ZNF536: variants seen among roughly 807,000 people sequenced by gnomAD.
ZNF536 encodes the protein zinc finger protein 536.
Under a neutral mutation model 84.5 loss-of-function variants are expected in ZNF536, and 13 were observed. That is an observed-to-expected ratio of 0.15 (90% CI 0.10 to 0.24). The LOEUF is 0.24. ZNF536 is among the 10% of genes least tolerant of loss of function. The pLI, the probability that ZNF536 is intolerant of heterozygous loss-of-function variation, is 1.00. For missense variants in ZNF536, 1,536 were observed against 1,747.5 expected, an observed-to-expected ratio of 0.88 and a Z score of 2.16; for synonymous variants, 811 against 742.5, an observed-to-expected ratio of 1.09 and a Z score of -1.50.
intron 3 of ZNF536, among the ~76,000 whole-genome samples, chr19:30,537,554 T>C (rs1295600780): frequency 6.6e-6 from 1 of 151,776 alleles, no homozygotes; most frequent in African/African-American, 2.4e-5. Context: ...GGGGCTCCAC[T>C]AACCCTGTCG....
At chr19:30,463,011 G>A (rs548883959) in intron 2 of ZNF536, among the ~76,000 whole-genome samples, 15 of 142,224 alleles carry the variant, frequency 1.1e-4, no homozygotes, top group Non-Finnish European at 2.1e-4. Context: ...TGTGGATAAG[G>A]ATGTGTGTGT....
intron 1 of ZNF536, among the ~76,000 whole-genome samples, chr19:30,242,010 A>C (rs552656373): frequency 8.6e-5 from 13 of 152,028 alleles, no homozygotes; most frequent in African/African-American, 3.1e-4. Context: ...CTTTCTTTGC[A>C]TGGGGAAGGG....
At chr19:30,281,229 C>G (rs1023274121) in intron 1 of ZNF536, among the ~76,000 whole-genome samples, 1 of 152,158 alleles carries the variant, frequency 6.6e-6, no homozygotes, top group African/African-American at 2.4e-5. Flanking sequence ...TTTCTCCCTC[C>G]TCGCTCCCCA....
chr19:30,303,899 G>C (rs1224530516), intron 2 of ZNF536, among the ~76,000 whole-genome samples: 1 of 152,164 alleles, frequency 6.6e-6, no homozygotes, highest in African/African-American at 2.4e-5. Flanking sequence ...ACTCTGCCTG[G>C]GTGTGTCCTT....
chr19:30,409,613 A>G (rs1270319604), intron 1 of ZNF536, among the ~76,000 whole-genome samples: 1 of 152,248 alleles, frequency 6.6e-6, no homozygotes, highest in African/African-American at 2.4e-5. Context: ...GGTTAAAGAG[A>G]ATGCACATTT....
intron 2 of ZNF536, among the ~76,000 whole-genome samples, chr19:30,508,551 G>A (rs2055267353): frequency 6.6e-6 from 1 of 152,142 alleles, no homozygotes; most frequent in Non-Finnish European, 1.5e-5. Context: ...GTGAGTCTTT[G>A]CGGCCCACAG....
chr19:30,318,904 C>T (rs1244110754), intron 2 of ZNF536, among the ~76,000 whole-genome samples: 1 of 152,122 alleles, frequency 6.6e-6, no homozygotes, highest in Non-Finnish European at 1.5e-5. Context: ...CAGTTTGCTC[C>T]CTTCTTTTAT....
chr19:30,705,068 G>T (rs2052169123), intron 1 of ZNF536, among the ~76,000 whole-genome samples: 1 of 152,144 alleles, frequency 6.6e-6, no homozygotes, highest in Non-Finnish European at 1.5e-5. Context: ...CTTGGACTCA[G>T]AAATGTGTCA....
intron 1 of ZNF536, among the ~76,000 whole-genome samples, chr19:30,409,046 C>G (rs1415741575): frequency 6.6e-6 from 1 of 151,216 alleles, no homozygotes; most frequent in Non-Finnish European, 1.5e-5. Context: ...ACTCATTCAT[C>G]CATCCATCCA....
chr19:30,627,356 A>G (rs2048718664), intron 1 of ZNF536, among the ~76,000 whole-genome samples: 1 of 151,598 alleles, frequency 6.6e-6, no homozygotes, highest in Non-Finnish European at 1.5e-5. Context: ...CTGTAGTCCC[A>G]GCTAATCGGG....
intron 2 of ZNF536, among the ~76,000 whole-genome samples, chr19:30,292,716 G>T (rs1483672158): frequency 6.6e-6 from 1 of 152,132 alleles, no homozygotes; most frequent in African/African-American, 2.4e-5. Context: ...TGTTGTCTTT[G>T]GGAGAGGAAG....
At chr19:30,660,820 G>A (rs79402050) in intron 1 of ZNF536, among the ~76,000 whole-genome samples, 2,800 of 152,298 alleles carry the variant, frequency 0.018, 86 homozygotes, top group African/African-American at 0.064. Flanking sequence ...GAGTTTCAGT[G>A]AGGAGGTCAC....
chr19:30,345,235 C>G (rs1168815822), intron 2 of ZNF536, among the ~76,000 whole-genome samples: 1 of 100,770 alleles, frequency 9.9e-6, no homozygotes, highest in African/African-American at 3.7e-5. Context: ...GGACCACGCC[C>G]CGGGGGCTCC....
chr19:30,400,211 C>T (rs150763904), intron 1 of ZNF536, among the ~76,000 whole-genome samples: 15 of 151,526 alleles, frequency 9.9e-5, no homozygotes, highest in East Asian at 3.9e-4. Flanking sequence ...TTTGGGTGAA[C>T]GTAAGTTTAT....
intron 1 of ZNF536, among the ~76,000 whole-genome samples, chr19:30,258,995 G>A (rs1378196682): frequency 6.6e-6 from 1 of 152,090 alleles, no homozygotes; most frequent in African/African-American, 2.4e-5. Flanking sequence ...TGAGATTACA[G>A]GCATGAGCCA....
intron 3 of ZNF536, among the ~76,000 whole-genome samples, chr19:30,356,014 A>G (rs1361863748): frequency 1.3e-5 from 2 of 152,234 alleles, no homozygotes. Context: ...CATGTAAGCC[A>G]CTGTGCCTGG....
intron 2 of ZNF536, among the ~76,000 whole-genome samples, chr19:30,309,070 A>G (rs1356649719): frequency 6.6e-6 from 1 of 152,196 alleles, no homozygotes. Flanking sequence ...AAGTTCTGGA[A>G]AAGACAAGAA....
chr19:30,235,686 A>G lies in ZNF536; in HGVS notation c.-190+7013A>G, dbSNP rs534207243. Among the ~76,000 whole-genome samples the G allele has an allele frequency of 6.6e-5, 10 of 152,372 alleles. No homozygotes were observed. In the South Asian group the frequency reaches 2.1e-3, roughly 32 times the overall value. ...TTTTGTGTGTGGTTATTTTCCCAAAATTTTAATTCCCGATTAAAATCTATT... is the reference window on the plus strand; with the variant it reads ...TTTTGTGTGTGGTTATTTTCCCAAAGTTTTAATTCCCGATTAAAATCTATT... On this transcript the variant is annotated intron_variant, in intron 1 of 5. Coordinates refer to the ZNF536 transcript ENST00000585628.
At chr19:30,322,658 CT>C (rs1165001061) in intron 2 of ZNF536, among the ~76,000 whole-genome samples, 1 of 152,184 alleles carries the variant, frequency 6.6e-6, no homozygotes, top group East Asian at 1.9e-4. Flanking sequence ...TGCTTTGTAG[CT>C]GAAACAATGC....
Sources: gnomAD v4.1 joint callset for allele counts (sites outside exome capture counted in the v4.1 genomes callset) on GRCh38, gnomAD v4.1.1 for gene constraint, MANE v1.5 for transcripts, NCBI Gene and HGNC (gene_info 2026-07-23, HGNC 2026-07-21) for gene names.